SEMA3A: variants seen among roughly 807,000 people sequenced by gnomAD.
SEMA3A encodes semaphorin-3A.
SEMA3A carries 29 observed loss-of-function variants against 97.9 expected under a neutral mutation model. The observed-to-expected ratio is 0.30, with a 90% CI of 0.22 to 0.40. SEMA3A has a LOEUF of 0.40. SEMA3A is among the 10% of genes least tolerant of loss of function. The pLI is 1.00. For missense variants in SEMA3A, 763 were observed against 951.3 expected, an observed-to-expected ratio of 0.80 and a Z score of 2.60; for synonymous variants, 321 against 323.7, an observed-to-expected ratio of 0.99 and a Z score of 0.09.
At chr7:84,298,310 A>G (rs1255444905) in intron 3 of SEMA3A, among the ~76,000 whole-genome samples, 1 of 152,192 alleles carries the variant, frequency 6.6e-6, no homozygotes, top group Non-Finnish European at 1.5e-5. Flanking sequence ...CAGATTAAGC[A>G]CAAAAGTCAA....
At chr7:84,096,509 A>T (rs1405349995) in intron 4 of SEMA3A, among the ~76,000 whole-genome samples, 1 of 151,994 alleles carries the variant, frequency 6.6e-6, no homozygotes, top group African/African-American at 2.4e-5. Flanking sequence ...TTCCAAATGA[A>T]TTTTTTTGCA....
In SEMA3A at chr7:83,988,984, A is replaced by G. The variant is rs565922747; in HGVS notation, c.1453-3507T>C. On this transcript the variant is annotated intron_variant, in intron 12 of 16. Transcript: ENST00000265362. ...TCAGCTTTTTTAAAAAAAGTTGAAGACTGTATTTAGGTTTGTACAATATTG... is the reference window on the plus strand; with the variant it reads ...TCAGCTTTTTTAAAAAAAGTTGAAGGCTGTATTTAGGTTTGTACAATATTG... Among the ~76,000 whole-genome samples, 14 of 152,066 alleles carry G rather than the reference A, an allele frequency of 9.2e-5. 1 individual carries two copies. The highest frequency in any genetic ancestry group is 3.1e-4 in the African/African-American group (13 of 41,486).
chr7:84,468,056 T>A (rs1806051247), intron 1 of SEMA3A, among the ~76,000 whole-genome samples: 1 of 152,170 alleles, frequency 6.6e-6, no homozygotes, highest in African/African-American at 2.4e-5. Flanking sequence ...TAAATGCTGC[T>A]AAAAATTCTA....
intron 6 of SEMA3A, among the ~76,000 whole-genome samples, chr7:84,027,373 G>A (rs919670695): frequency 6.6e-6 from 1 of 151,998 alleles, no homozygotes; most frequent in African/African-American, 2.4e-5. Context: ...TATATTTCAC[G>A]AGTTCTTTCT....
At chr7:84,236,218 G>A (rs370905743) in intron 3 of SEMA3A, among the ~76,000 whole-genome samples, 2 of 151,956 alleles carry the variant, frequency 1.3e-5, no homozygotes, top group East Asian at 1.9e-4. Flanking sequence ...TCTTCCTCCT[G>A]TCTTTTAGCT....
intron 1 of SEMA3A, among the ~76,000 whole-genome samples, chr7:84,161,364 C>CA (rs1208746300): frequency 3.8e-4 from 55 of 143,938 alleles, no homozygotes; most frequent in East Asian, 4.0e-4. Flanking sequence ...AATTCCATCT[C>CA]AAAAAAAAAA....
At chr7:84,340,308 T>C (rs1305230702) in intron 2 of SEMA3A, among the ~76,000 whole-genome samples, 1 of 152,148 alleles carries the variant, frequency 6.6e-6, no homozygotes, top group Non-Finnish European at 1.5e-5. Flanking sequence ...GATTATAGCA[T>C]GTAATTAAAA....
chr7:84,224,767 A>G (rs1798951779), intron 3 of SEMA3A, among the ~76,000 whole-genome samples: 1 of 151,942 alleles, frequency 6.6e-6, no homozygotes, highest in African/African-American at 2.4e-5. Flanking sequence ...TTCATTTGTC[A>G]CTCTCCAGTT....
chr7:84,021,345 T>C (rs1791321190), intron 6 of SEMA3A, among the ~76,000 whole-genome samples: 1 of 152,238 alleles, frequency 6.6e-6, no homozygotes, highest in Non-Finnish European at 1.5e-5. Flanking sequence ...TTTTCATATT[T>C]GTCTTACGAC....
chr7:84,328,486 C>T (rs997327498), intron 2 of SEMA3A, among the ~76,000 whole-genome samples: 2 of 151,874 alleles, frequency 1.3e-5, no homozygotes, highest in Admixed American at 1.3e-4. Flanking sequence ...GAATAAGAAG[C>T]TTCTTATATG....
chr7:84,370,680 C>G (rs1331260352), intron 2 of SEMA3A, among the ~76,000 whole-genome samples: 1 of 151,440 alleles, frequency 6.6e-6, no homozygotes, highest in Non-Finnish European at 1.5e-5. Flanking sequence ...GTTTAGACCT[C>G]AAATATACCT....
intron 11 of SEMA3A, among the ~76,000 whole-genome samples, chr7:84,003,419 T>G (rs1790539961): frequency 6.6e-6 from 1 of 152,140 alleles, no homozygotes; most frequent in Non-Finnish European, 1.5e-5. Context: ...ATTACTCAAC[T>G]AGGATCAATA....
chr7:84,063,037 G>C (rs1400798172), intron 4 of SEMA3A, among the ~76,000 whole-genome samples: 1 of 151,930 alleles, frequency 6.6e-6, no homozygotes, highest in Non-Finnish European at 1.5e-5. Flanking sequence ...GCTTTGAAGA[G>C]AGCAGTGGTT....
At chr7:84,454,883 T>G (rs1281909358) in intron 1 of SEMA3A, among the ~76,000 whole-genome samples, 1 of 152,008 alleles carries the variant, frequency 6.6e-6, no homozygotes, top group Non-Finnish European at 1.5e-5. Flanking sequence ...AGTAATTTCA[T>G]GTACAATCTA....
chr7:84,129,417 G>A (rs139846276), intron 2 of SEMA3A, among the ~76,000 whole-genome samples: 266 of 152,294 alleles, frequency 1.7e-3, no homozygotes, highest in African/African-American at 6.2e-3. Context: ...AGTTGAGCAA[G>A]AGAGAAACTG....
chr7:84,485,522 C>T (rs891311774), intron 1 of SEMA3A, among the ~76,000 whole-genome samples: 1 of 151,902 alleles, frequency 6.6e-6, no homozygotes, highest in Non-Finnish European at 1.5e-5. Flanking sequence ...ACTACAGGCC[C>T]ACACACCACT....
chr7:84,233,045 G>A (rs1438177310), intron 3 of SEMA3A, among the ~76,000 whole-genome samples: 1 of 151,926 alleles, frequency 6.6e-6, no homozygotes, highest in Non-Finnish European at 1.5e-5. Flanking sequence ...TTGGTCTTTG[G>A]AGTTATTCTA....
chr7:84,046,246 T>G (rs931229998), intron 6 of SEMA3A, 78 bp downstream of exon 6: 3 of 1,508,226 alleles, frequency 2.0e-6, no homozygotes, highest in East Asian at 4.5e-5. Context: ...TCATATTGCA[T>G]GTACTGTAAA....
At chr7:84,070,998 AAT>A (rs1245029779) in intron 4 of SEMA3A, among the ~76,000 whole-genome samples, 1 of 152,136 alleles carries the variant, frequency 6.6e-6, no homozygotes, top group African/African-American at 2.4e-5. Context: ...TCTCAAAGGA[AAT>A]ATTGTGACAT....
Sources: gnomAD v4.1 joint callset for allele counts (sites outside exome capture counted in the v4.1 genomes callset) on GRCh38, gnomAD v4.1.1 for gene constraint, MANE v1.5 for transcripts, NCBI Gene and HGNC (gene_info 2026-07-23, HGNC 2026-07-21) for gene names.